MYCBP2: variants seen among roughly 807,000 people sequenced by gnomAD.
The protein encoded by MYCBP2 is MYC binding protein 2.
In MYCBP2, 120 loss-of-function variants were observed where a neutral mutation model predicts 525.3. The ratio of observed to expected loss-of-function variants is 0.23; its 90% CI spans 0.20 to 0.27. The LOEUF (loss-of-function observed/expected upper bound fraction) is 0.27, where lower values mean the gene tolerates loss of function less well. Ranked by LOEUF, MYCBP2 falls within the 10% of genes least tolerant of loss-of-function variation. The pLI is 1.00. For synonymous variants in MYCBP2, 1,894 were observed against 1,955.8 expected, an observed-to-expected ratio of 0.97 and a Z score of 0.83; for missense variants, 4,149 against 5,657.1, an observed-to-expected ratio of 0.73 and a Z score of 8.55.
chr13:77,182,367 T>C (rs1189744306), intron 32 of MYCBP2, among the ~76,000 whole-genome samples: 1 of 152,160 alleles, frequency 6.6e-6, no homozygotes, highest in Non-Finnish European at 1.5e-5. Flanking sequence ...GGTCACAAAA[T>C]TATATTATCA....
intron 82 of MYCBP2, 68 bp from the exon 83 acceptor site, chr13:77,045,561 A>T (rs753481534): frequency 4.4e-6 from 4 of 912,304 alleles, no homozygotes; most frequent in African/African-American, 1.6e-5. Context: ...ACCTCACAGA[A>T]ATATAAATCA....
intron 80 of MYCBP2, among the ~76,000 whole-genome samples, chr13:77,054,502 T>C (rs1249981981): frequency 6.6e-6 from 1 of 152,012 alleles, no homozygotes; most frequent in African/African-American, 2.4e-5. Flanking sequence ...GGAAAATGAT[T>C]AGGTTTGCTG....
At chr13:77,238,729 T>C (rs1266433439) in intron 17 of MYCBP2, among the ~76,000 whole-genome samples, 1 of 152,238 alleles carries the variant, frequency 6.6e-6, no homozygotes, top group African/African-American at 2.4e-5. Flanking sequence ...TATCATTGCT[T>C]TCTTGGGTTT....
intron 58 of MYCBP2, among the ~76,000 whole-genome samples, chr13:77,093,566 G>A (rs890479578): frequency 1.3e-5 from 2 of 152,142 alleles, no homozygotes; most frequent in African/African-American, 4.8e-5. Context: ...CTTTCCTTTT[G>A]AGAACTTTTC....
chr13:77,242,677 T>C (rs1488382282), intron 17 of MYCBP2, among the ~76,000 whole-genome samples: 1 of 152,162 alleles, frequency 6.6e-6, no homozygotes, highest in Non-Finnish European at 1.5e-5. Context: ...TAAATTGAAT[T>C]TTGTTCCACG....
chr13:77,134,782 G>C (rs1200245124), intron 52 of MYCBP2, among the ~76,000 whole-genome samples: 1 of 152,072 alleles, frequency 6.6e-6, no homozygotes, highest in Non-Finnish European at 1.5e-5. Context: ...ACTAAAAACA[G>C]TTAAAGTCAC....
intron 1 of MYCBP2, among the ~76,000 whole-genome samples, chr13:77,298,584 T>C (rs1402778611): frequency 6.6e-6 from 1 of 152,152 alleles, no homozygotes; most frequent in Non-Finnish European, 1.5e-5. Context: ...AATGAGGAAG[T>C]TGAGAGCTAC....
intron 68 of MYCBP2, among the ~76,000 whole-genome samples, chr13:77,073,299 G>A (rs761749352): frequency 1.3e-5 from 2 of 152,010 alleles, no homozygotes; most frequent in African/African-American, 2.4e-5. Flanking sequence ...GCTCTTGTCT[G>A]GGTGACAGAG....
At chr13:77,208,582 A>G (rs565563516) in intron 23 of MYCBP2, among the ~76,000 whole-genome samples, 3 of 152,304 alleles carry the variant, frequency 2.0e-5, no homozygotes, top group Non-Finnish European at 4.4e-5. Context: ...AGATCTCTAA[A>G]TTATTTTTGA....
rs1349149128 is a variant in MYCBP2 at position 77,203,902 on chromosome 13, G to T, written c.3843+1354C>A. On this transcript the variant is annotated intron_variant, in intron 26 of 82. Transcript: ENST00000544440. ...CCTTACACAAAAATCAATTCAAGAT[G>T]GATTAAAGACTTAAACGTTAGACCT... Among the ~76,000 whole-genome samples, 39 of 151,850 alleles carry T rather than the reference G, an allele frequency of 2.6e-4. No homozygotes were observed. In the East Asian group the frequency reaches 7.0e-3, roughly 27 times the overall value.
intron 44 of MYCBP2, among the ~76,000 whole-genome samples, chr13:77,160,013 T>C (rs1044454016): frequency 1.3e-5 from 2 of 152,138 alleles, no homozygotes; most frequent in African/African-American, 4.8e-5. Context: ...CTTAACATTA[T>C]TGACAACACT....
At chr13:77,233,300 C>A in intron 17 of MYCBP2, 37 bp from the exon 18 acceptor site, 1 of 1,469,080 alleles carries the variant, frequency 6.8e-7, no homozygotes, top group South Asian at 1.2e-5. Context: ...TAGAAAAACT[C>A]ACAAAATGAA....
At chr13:77,283,871 C>T (rs2076457411) in intron 3 of MYCBP2, among the ~76,000 whole-genome samples, 1 of 151,954 alleles carries the variant, frequency 6.6e-6, no homozygotes, top group African/African-American at 2.4e-5. Context: ...GCACTCCAGC[C>T]CCAGTGACAG....
intron 26 of MYCBP2, among the ~76,000 whole-genome samples, chr13:77,203,659 C>T (rs1049634427): frequency 2.0e-5 from 3 of 152,168 alleles, no homozygotes; most frequent in African/African-American, 7.2e-5. Context: ...TACAAGGCTA[C>T]AGTAACCAAA....
At chr13:77,174,245 C>G in intron 37 of MYCBP2, 66 bp downstream of exon 37, 6 of 1,457,206 alleles carry the variant, frequency 4.1e-6, no homozygotes, top group Non-Finnish European at 5.6e-6. Flanking sequence ...GCAATTTTAC[C>G]TGGTAGTAGA....
At position 77,326,920 on chromosome 13, in the gene MYCBP2, C is replaced by A. The variant is rs2082390234; in HGVS notation, c.-145G>T. 3.1e-6 allele frequency: 2 copies of A among 650,606 alleles called. No individual in the cohort carries two copies. The highest frequency in any genetic ancestry group is 8.7e-5 in the South Asian group (2 of 23,042). 40.3% of individuals were successfully genotyped at this position (650,606 alleles called of 1,614,324 possible). A position where few individuals can be genotyped will look rare whatever the true frequency, so the allele number is the denominator to read the frequency against. On this transcript the variant is annotated 5_prime_UTR_variant, in exon 1 of 83. Transcript: ENST00000544440. The surrounding 1 kb of genome is among the most constrained non-coding windows in gnomAD (Gnocchi z 4.2). ...AGCAGGGAGACTACAAAGACAGCGACCTCCTTCTCCTCCTCCTTCTTCTCC... is the reference window on the plus strand; with the variant it reads ...AGCAGGGAGACTACAAAGACAGCGAACTCCTTCTCCTCCTCCTTCTTCTCC...
At chr13:77,279,097 G>T (rs1432600537) in intron 3 of MYCBP2, among the ~76,000 whole-genome samples, 186 bp from the exon 4 acceptor site, 1 of 152,110 alleles carries the variant, frequency 6.6e-6, no homozygotes, top group Non-Finnish European at 1.5e-5. Flanking sequence ...TCACTCAGAA[G>T]AAATAAACTA....
chr13:77,265,697 T>C (rs781197171), intron 8 of MYCBP2, among the ~76,000 whole-genome samples: 1 of 152,178 alleles, frequency 6.6e-6, no homozygotes, highest in Non-Finnish European at 1.5e-5. Context: ...AGCAGAGCTA[T>C]TCCTACCCAC....
chr13:77,056,942 A>C (rs1469467936), intron 79 of MYCBP2, 44 bp downstream of exon 79: 1 of 1,431,468 alleles, frequency 7.0e-7, no homozygotes, highest in South Asian at 1.2e-5. Context: ...GAAAAGAAAG[A>C]ACAAAAGAAA....
Sources: gnomAD v4.1 joint callset for allele counts (sites outside exome capture counted in the v4.1 genomes callset) on GRCh38, gnomAD v4.1.1 for gene constraint, Gnocchi (gnomAD v3.1) non-coding constraint, MANE v1.5 for transcripts, NCBI Gene and HGNC (gene_info 2026-07-23, HGNC 2026-07-21) for gene names.